Variants in FABP5 observed in about 807,000 individuals in gnomAD.
The protein encoded by FABP5 is fatty acid-binding protein 5.
Under a neutral mutation model 16.9 loss-of-function variants are expected in FABP5, and 7 were observed. The ratio of observed to expected loss-of-function variants is 0.41; its 90% CI spans 0.24 to 0.78. FABP5 has a LOEUF of 0.78. FABP5 is among the 30% of genes least tolerant of loss of function. FABP5 has a pLI of 0.30. For missense variants in FABP5, 119 were observed against 159.5 expected (o/e 0.75, Z 1.37); for synonymous variants, 37 against 52.8 (o/e 0.70, Z 1.30).
At chr8:81,284,005 C>A in intron 3 of FABP5, 31 bp downstream of exon 3, 1 of 1,470,106 alleles carries the variant, frequency 6.8e-7, no homozygotes, top group Non-Finnish European at 9.4e-7. Context: ...TCTCAGTCAG[C>A]TTCTTGTGTG....
At position 81,281,342 on chromosome 8, in the gene FABP5, C is replaced by G; in HGVS notation, c.79+668C>G. 2 of 985,560 alleles carry G rather than the reference C, an allele frequency of 2.0e-6. No homozygotes were observed. The highest frequency in any genetic ancestry group is 2.4e-6 in the Non-Finnish European group (2 of 830,028). The allele number at this position is 985,560 out of a possible 1,614,324, so 61.1% of individuals were successfully genotyped here. A position where few individuals can be genotyped will look rare whatever the true frequency, so the allele number is the denominator to read the frequency against. ...CTCTGCTCGCCCTTACCAGTTGAGC[C>G]GAACCCTTTGGATTGGTACCCCATG... On this transcript the variant is annotated intron_variant, in intron 1 of 3. Coordinates refer to ENST00000297258, the MANE Select transcript of FABP5 (RefSeq NM_001444.3). This position sits in a 1 kb window ranked among gnomAD's most constrained non-coding sequence, Gnocchi z 4.5.
At chr8:81,280,977 C>A (rs963845941) in intron 1 of FABP5, 2 of 360,062 alleles carry the variant, frequency 5.6e-6, no homozygotes, top group Admixed American at 8.3e-5. Flanking sequence ...GCAGCCCTTC[C>A]GCATTGCTTC....
chr8:81,283,616 G>T, intron 2 of FABP5, 78 bp downstream of exon 2: 1 of 1,386,770 alleles, frequency 7.2e-7, no homozygotes, highest in South Asian at 1.4e-5. Context: ...CTGTTTATAG[G>T]CAAGAACTTA....
At position 81,280,738 on chromosome 8, in the gene FABP5, C is replaced by T. The variant is rs929831234; in HGVS notation, c.79+64C>T. The T allele has an allele frequency of 1.7e-5, 24 of 1,442,204 alleles. No individual in the cohort carries two copies. In the Middle Eastern group the frequency reaches 6.9e-4, roughly 42 times the overall value. The allele number at this position is 1,442,204 out of a possible 1,614,324, so 89.3% of individuals were successfully genotyped here. On this transcript the variant is annotated intron_variant, in intron 1 of 3. Transcript: ENST00000297258. ...GTTGTGCGGTCGTCTGTCCCTAGGT[C>T]CCCGTCAGCGTGCCAGATTCTGGGG...
At position 81,284,705 on chromosome 8, in the gene FABP5, C is replaced by G. The variant is rs1807885157; in HGVS notation, c.*138C>G. The G allele has an allele frequency of 1.8e-6, 1 of 562,910 alleles. No homozygotes were observed. The highest frequency in any genetic ancestry group is 3.2e-6 in the Non-Finnish European group (1 of 317,214). 34.9% of individuals were successfully genotyped at this position (562,910 alleles called of 1,614,324 possible). A position where few individuals can be genotyped will look rare whatever the true frequency, so the allele number is the denominator to read the frequency against. On this transcript the variant is annotated 3_prime_UTR_variant, in exon 4 of 4. Transcript: ENST00000297258. ...ATCTTTATCATAAACATTTTACATG[C>G]AGCTATTTCAAAGTGTGTTGGATTA...
At chr8:81,283,566 A>G (rs1243380684) in intron 2 of FABP5, 28 bp downstream of exon 2, 1 of 1,582,284 alleles carries the variant, frequency 6.3e-7, no homozygotes, top group South Asian at 1.2e-5. Flanking sequence ...ATGAAATCAC[A>G]GAAGCTTCTA....
At position 81,281,155 on chromosome 8, in the gene FABP5, C is replaced by T. The variant is rs2131267196; in HGVS notation, c.79+481C>T. 1 of 178,684 alleles carries T rather than the reference C, an allele frequency of 5.6e-6. No individual in the cohort carries two copies. Among genetic ancestry groups the T allele is most frequent in the Non-Finnish European group, 1.1e-5 (1 of 91,760 alleles). The allele number at this position is 178,684 out of a possible 1,614,324, so 11.1% of individuals were successfully genotyped here. A position where few individuals can be genotyped will look rare whatever the true frequency, so the allele number is the denominator to read the frequency against. ...GGCAGCACCCACTCCCCTTTCCCTC[C>T]CTGTCGCATCTTTTGTTCCCTGTGG... On this transcript the variant is annotated intron_variant, in intron 1 of 3. Coordinates refer to ENST00000297258, the MANE Select transcript of FABP5 (RefSeq NM_001444.3). This position sits in a 1 kb window ranked among gnomAD's most constrained non-coding sequence, Gnocchi z 4.5.
chr8:81,283,882 A>G lies in FABP5; in HGVS notation c.262A>G (p.Asn88Asp), dbSNP rs773732171. Residue 88 changes from asparagine (N) to aspartate (D), a missense_variant, in exon 3 of 4, where the codon AAC (asparagine) becomes GAC (aspartate). Asn to Asp is a conservative substitution (Grantham distance 23). Coordinates refer to ENST00000297258, the MANE Select transcript of FABP5 (RefSeq NM_001444.3). ...TACTTTGTTTTTGCAGACTGTCTGC[A>G]ACTTTACAGATGGTGCATTGGTTCA... is the stretch of plus-strand genomic sequence containing the variant. ...ADGRKTQTVC[N>D]FTDGALVQHQ... 11 of 1,611,798 alleles carry G rather than the reference A, an allele frequency of 6.8e-6. No homozygotes were observed. The South Asian group carries it at 1.2e-4, about 18-fold the overall frequency.
intron 1 of FABP5, among the ~76,000 whole-genome samples, chr8:81,282,166 C>T (rs1025928648): frequency 3.9e-5 from 3 of 77,454 alleles, no homozygotes; most frequent in African/African-American, 1.3e-4. Flanking sequence ...CAATAAATAA[C>T]AGTGTGTGTG....
chr8:81,281,253 A>AGG lies in FABP5; in HGVS notation c.79+582_79+583dup, dbSNP rs1807825907. 1 of 764,730 alleles carries AGG rather than the reference A, an allele frequency of 1.3e-6. No individual in the cohort carries two copies. The highest frequency in any genetic ancestry group is 1.6e-6 in the Non-Finnish European group (1 of 628,120). 47.4% of individuals were successfully genotyped at this position (764,730 alleles called of 1,614,324 possible). A position where few individuals can be genotyped will look rare whatever the true frequency, so the allele number is the denominator to read the frequency against. On this transcript the variant is annotated intron_variant, in intron 1 of 3. Transcript: ENST00000297258. The surrounding 1 kb of genome is among the most constrained non-coding windows in gnomAD (Gnocchi z 4.5). ...GCAGTTTCCCGCAGAAATCCTGTGG[A>AGG]GGGGTCTGAGTGGCGCTACAGCTTC...
intron 2 of FABP5, among the ~76,000 whole-genome samples, 161 bp downstream of exon 2, chr8:81,283,699 C>T (rs906148628): frequency 7.2e-5 from 11 of 152,160 alleles, no homozygotes; most frequent in Non-Finnish European, 1.5e-4. Flanking sequence ...GAATTGGCAT[C>T]TTTTATTAGC....
chr8:81,281,355 T>C lies in FABP5; in HGVS notation c.79+681T>C. The C allele has an allele frequency of 1.0e-6, 1 of 985,532 alleles. No homozygotes were observed. Among genetic ancestry groups the C allele is most frequent in the South Asian group, 4.7e-5 (1 of 21,266 alleles). 61.0% of individuals were successfully genotyped at this position (985,532 alleles called of 1,614,324 possible). On this transcript the variant is annotated intron_variant, in intron 1 of 3. Transcript: ENST00000297258. This position sits in a 1 kb window ranked among gnomAD's most constrained non-coding sequence, Gnocchi z 4.5. ...TACCAGTTGAGCCGAACCCTTTGGA[T>C]TGGTACCCCATGGAACACCAGGGCC...
chr8:81,280,784 AC>A, intron 1 of FABP5, 110 bp downstream of exon 1: 1 of 997,666 alleles, frequency 1.0e-6, no homozygotes, highest in Non-Finnish European at 1.5e-6. Flanking sequence ...TCGGCGGCCT[AC>A]CCCCATCCCC....
chr8:81,281,298 G>T lies in FABP5; in HGVS notation c.79+624G>T. 1 of 959,762 alleles carries T rather than the reference G, an allele frequency of 1.0e-6. No individual in the cohort carries two copies. The highest frequency in any genetic ancestry group is 1.2e-6 in the Non-Finnish European group (1 of 806,512). The allele number at this position is 959,762 out of a possible 1,614,324, so 59.5% of individuals were successfully genotyped here. A position where few individuals can be genotyped will look rare whatever the true frequency, so the allele number is the denominator to read the frequency against. ...AGCTTCAGCTTGCATTCCTCTGTCAGCCCCGTCTCCCCCAGGTCCTCTGCT... is the reference window on the plus strand; with the variant it reads ...AGCTTCAGCTTGCATTCCTCTGTCATCCCCGTCTCCCCCAGGTCCTCTGCT... On this transcript the variant is annotated intron_variant, in intron 1 of 3. Transcript: ENST00000297258. The surrounding 1 kb of genome is among the most constrained non-coding windows in gnomAD (Gnocchi z 4.5).
chr8:81,283,935 C>T lies in FABP5; in HGVS notation c.315C>T (p.Ser105=). Residue 105 remains serine, a synonymous_variant, in exon 3 of 4, where the codon AGC becomes AGT. Coordinates refer to ENST00000297258, the MANE Select transcript of FABP5 (RefSeq NM_001444.3). ...VQHQEWDGKE[S]TITRKLKDGK... The stretch of plus-strand genomic sequence containing the variant: ...ATCAGGAGTGGGATGGGAAGGAAAG[C>T]ACAATAACAAGAAAATTGAAAGATG... The T allele has an allele frequency of 6.2e-7, 1 of 1,611,938 alleles. No homozygotes were observed. The highest frequency in any genetic ancestry group is 1.7e-5 in the Admixed American group (1 of 60,002).
chr8:81,282,297 G>A (rs1332859788), intron 1 of FABP5, among the ~76,000 whole-genome samples: 1 of 151,998 alleles, frequency 6.6e-6, no homozygotes, highest in Non-Finnish European at 1.5e-5. Flanking sequence ...AGTCTTGAAG[G>A]TTGTCAAGAC....
rs764162598 is a variant in FABP5 at position 81,284,489 on chromosome 8, CTT to C, written c.355-22_355-21del. 45 of 1,554,704 alleles carry C rather than the reference CTT, an allele frequency of 2.9e-5. No individual in the cohort carries two copies. The African/African-American group carries it at 5.7e-4, about 20-fold the overall frequency. ...TCTGGAATCTAAGGCTAACCTAACT[CTT>C]TTAATATCTTTCCTTCTTCTAGGAG... On this transcript the variant is annotated intron_variant, in intron 3 of 3. Coordinates refer to ENST00000297258, the MANE Select transcript of FABP5 (RefSeq NM_001444.3).
rs1807826290 is a variant in FABP5 at position 81,281,280 on chromosome 8, G to A, written c.79+606G>A. ...GGGTCTGAGTGGCGCTACAGCTTCAGCTTGCATTCCTCTGTCAGCCCCGTC... is the reference window on the plus strand; with the variant it reads ...GGGTCTGAGTGGCGCTACAGCTTCAACTTGCATTCCTCTGTCAGCCCCGTC... On this transcript the variant is annotated intron_variant, in intron 1 of 3. Transcript: ENST00000297258. This position sits in a 1 kb window ranked among gnomAD's most constrained non-coding sequence, Gnocchi z 4.5. The A allele has an allele frequency of 1.1e-6, 1 of 912,134 alleles. No individual in the cohort carries two copies. The highest frequency in any genetic ancestry group is 1.8e-5 in the African/African-American group (1 of 55,794). 56.5% of individuals were successfully genotyped at this position (912,134 alleles called of 1,614,324 possible).
At position 81,280,559 on chromosome 8, in the gene FABP5, A is replaced by C; in HGVS notation, c.-37A>C. 1 of 1,544,694 alleles carries C rather than the reference A, an allele frequency of 6.5e-7. No homozygotes were observed. The highest frequency in any genetic ancestry group is 2.5e-5 in the East Asian group (1 of 40,684). On this transcript the variant is annotated 5_prime_UTR_variant, in exon 1 of 4. Transcript: ENST00000297258. ...TCACAGCACGCTGCCACGCCGACGC[A>C]GACCCCTCTCTGCACGCCAGCCCGC...
Sources: gnomAD v4.1 joint callset for allele counts (sites outside exome capture counted in the v4.1 genomes callset) on GRCh38, gnomAD v4.1.1 for gene constraint, Gnocchi (gnomAD v3.1) non-coding constraint, MANE v1.5 for transcripts, NCBI Gene and HGNC (gene_info 2026-07-23, HGNC 2026-07-21) for gene names.